Variants in ADAMTSL1 observed in about 807,000 individuals in gnomAD.
ADAMTSL1 encodes ADAMTS like 1.
A neutral mutation model predicts 201.8 loss-of-function variants in ADAMTSL1; 126 were observed. The observed-to-expected ratio is 0.62, with a 90% CI of 0.54 to 0.72. The LOEUF is 0.72. Ranked by LOEUF, ADAMTSL1 falls within the 30% of genes least tolerant of loss-of-function variation. ADAMTSL1 has a pLI of 0.00. For missense variants in ADAMTSL1, 2,679 were observed against 2,277.8 expected (o/e 1.18, Z -3.59); for synonymous variants, 1,121 against 903.4 (o/e 1.24, Z -4.32).
intron 1 of ADAMTSL1, among the ~76,000 whole-genome samples, chr9:18,101,985 G>A (rs1377234767): frequency 6.6e-6 from 1 of 152,190 alleles, no homozygotes; most frequent in Non-Finnish European, 1.5e-5. Flanking sequence ...TTCAGGGCAA[G>A]GACAGAAATT....
chr9:18,782,146 G>A (rs1362325599), intron 19 of ADAMTSL1, among the ~76,000 whole-genome samples: 1 of 152,160 alleles, frequency 6.6e-6, no homozygotes, highest in African/African-American at 2.4e-5. Context: ...AGATACTAGG[G>A]ATGGAGGAAA....
At chr9:18,817,576 C>T (rs557282806) in intron 21 of ADAMTSL1, among the ~76,000 whole-genome samples, 1 of 152,254 alleles carries the variant, frequency 6.6e-6, no homozygotes, top group Non-Finnish European at 1.5e-5. Flanking sequence ...AGTAGAAAAT[C>T]CTCTAGGCTG....
intron 2 of ADAMTSL1, among the ~76,000 whole-genome samples, chr9:18,444,756 C>T (rs1361746230): frequency 2.0e-5 from 3 of 152,108 alleles, no homozygotes; most frequent in African/African-American, 7.2e-5. Flanking sequence ...GAGGGTATGG[C>T]AACATCCTTA....
chr9:18,740,478 C>CTTTTTTTTTTT (rs11449360), intron 15 of ADAMTSL1, among the ~76,000 whole-genome samples: 2 of 105,678 alleles, frequency 1.9e-5, no homozygotes, highest in African/African-American at 3.7e-5. Context: ...TTTCTTTTAT[C>CTTTTTTTTTTT]TTTTTTTTTT....
At chr9:18,409,945 G>A (rs1818364712) in intron 2 of ADAMTSL1, among the ~76,000 whole-genome samples, 1 of 150,992 alleles carries the variant, frequency 6.6e-6, no homozygotes, top group African/African-American at 2.4e-5. Flanking sequence ...AAACTATACA[G>A]CTAGGATATA....
intron 1 of ADAMTSL1, among the ~76,000 whole-genome samples, chr9:18,048,757 T>C (rs928838922): frequency 2.6e-5 from 4 of 152,228 alleles, no homozygotes; most frequent in Non-Finnish European, 5.9e-5. Flanking sequence ...TTGTTTATAA[T>C]ATCTTCCATC....
intron 3 of ADAMTSL1, among the ~76,000 whole-genome samples, chr9:18,564,014 G>T (rs1162965396): frequency 6.6e-6 from 1 of 152,288 alleles, no homozygotes; most frequent in African/African-American, 2.4e-5. Flanking sequence ...CTTTTCAGGG[G>T]AGTGAATGTT....
intron 4 of ADAMTSL1, among the ~76,000 whole-genome samples, chr9:18,616,892 G>A (rs1005842191): frequency 2.0e-5 from 3 of 152,088 alleles, no homozygotes; most frequent in Non-Finnish European, 4.4e-5. Flanking sequence ...TGAGGATGAG[G>A]TTAGAAATGC....
intron 2 of ADAMTSL1, among the ~76,000 whole-genome samples, chr9:18,233,851 A>C (rs748227086): frequency 5.3e-5 from 8 of 152,182 alleles, no homozygotes; most frequent in Non-Finnish European, 8.8e-5. Context: ...GGGGTGGCTC[A>C]TGAGAGGCAA....
chr9:18,509,224 A>G (rs1196622466), intron 2 of ADAMTSL1, among the ~76,000 whole-genome samples: 1 of 92,226 alleles, frequency 1.1e-5, no homozygotes, highest in Non-Finnish European at 2.3e-5. Flanking sequence ...AAAAAAAAAA[A>G]AAAAAAAAGA....
intron 3 of ADAMTSL1, among the ~76,000 whole-genome samples, chr9:18,541,528 AT>A (rs1200253296): frequency 1.3e-5 from 2 of 151,702 alleles, no homozygotes; most frequent in African/African-American, 4.8e-5. Flanking sequence ...AAAAAAAAAA[AT>A]TTATGGGTGG....
At chr9:18,105,456 C>T (rs1288472625) in intron 1 of ADAMTSL1, among the ~76,000 whole-genome samples, 1 of 152,160 alleles carries the variant, frequency 6.6e-6, no homozygotes, top group Non-Finnish European at 1.5e-5. Flanking sequence ...CTTAATATTG[C>T]AAAATTGAAA....
chr9:18,163,316 GA>G (rs1341053240), intron 1 of ADAMTSL1, among the ~76,000 whole-genome samples: 2 of 152,036 alleles, frequency 1.3e-5, no homozygotes, highest in African/African-American at 4.8e-5. Flanking sequence ...CCTGGAATGT[GA>G]TAAGCTCTAG....
intron 26 of ADAMTSL1, among the ~76,000 whole-genome samples, chr9:18,900,274 G>GAAAC (rs1356654583): frequency 6.6e-6 from 1 of 152,080 alleles, no homozygotes; most frequent in African/African-American, 2.4e-5. Flanking sequence ...AAAAAGTCAA[G>GAAAC]AAACAGATGC....
chr9:18,547,585 G>C (rs942640342), intron 3 of ADAMTSL1, among the ~76,000 whole-genome samples: 2 of 147,962 alleles, frequency 1.4e-5, no homozygotes, highest in African/African-American at 5.1e-5. Context: ...CTTGATGTCA[G>C]GAGTTTCGAG....
At chr9:18,215,293 C>T (rs998221260) in intron 2 of ADAMTSL1, among the ~76,000 whole-genome samples, 1 of 152,052 alleles carries the variant, frequency 6.6e-6, no homozygotes, top group African/African-American at 2.4e-5. Context: ...TGAAAATAAT[C>T]TAACAACTAT....
chr9:17,922,142 T>C (rs1036839021), intron 1 of ADAMTSL1, among the ~76,000 whole-genome samples: 2 of 150,740 alleles, frequency 1.3e-5, no homozygotes, highest in African/African-American at 4.9e-5. Context: ...TGGGAAATAA[T>C]TTTTGAATAG....
At chr9:18,214,453 C>G (rs1000225946) in intron 2 of ADAMTSL1, among the ~76,000 whole-genome samples, 1 of 152,114 alleles carries the variant, frequency 6.6e-6, no homozygotes, top group Non-Finnish European at 1.5e-5. Flanking sequence ...ATGGAACATC[C>G]CAAGGAAATA....
intron 2 of ADAMTSL1, among the ~76,000 whole-genome samples, chr9:18,522,961 TG>T (rs1441972426): frequency 1.3e-5 from 2 of 152,174 alleles, no homozygotes; most frequent in Non-Finnish European, 2.9e-5. Flanking sequence ...TACACAGTAA[TG>T]GGATGGCTGG....
Sources: allele counts gnomAD v4.1 joint callset (sites outside exome capture counted in the v4.1 genomes callset), GRCh38; gene constraint gnomAD v4.1.1; transcripts MANE v1.5; gene names NCBI Gene and HGNC (gene_info 2026-07-23, HGNC 2026-07-21).